The following TMPRSS7 variants were observed in gnomAD, a reference collection of about 807,000 sequenced individuals.
The protein encoded by TMPRSS7 is transmembrane serine protease 7.
In TMPRSS7, 81 loss-of-function variants were observed where a neutral mutation model predicts 95.6. The ratio of observed to expected loss-of-function variants is 0.85; its 90% CI spans 0.71 to 1.02. The LOEUF (loss-of-function observed/expected upper bound fraction) is 1.02, where lower values mean the gene tolerates loss of function less well. Ranked by LOEUF, TMPRSS7 falls within the 50% of genes least tolerant of loss-of-function variation. The probability of loss-of-function intolerance (pLI) is 0.00; values close to 1 mark genes in which losing one functional copy is unlikely to be tolerated. For synonymous variants in TMPRSS7, 364 were observed against 337.8 expected (o/e 1.08, Z -0.85); for missense variants, 945 against 955.2 (o/e 0.99, Z 0.14).
chr3:112,080,711 C>T (rs950734114), intron 17 of TMPRSS7, among the ~76,000 whole-genome samples: 1 of 152,138 alleles, frequency 6.6e-6, no homozygotes, highest in African/African-American at 2.4e-5. Context: ...CTAATGAATG[C>T]AGCTGTTTGA....
rs551359368 is a variant in TMPRSS7, at chr3:112,037,817, G to A, written c.49-255G>A. On this transcript the variant is annotated intron_variant, in intron 1 of 17. Transcript: ENST00000452346. ...AAAGAACCTACATTGAAATATCGGG[G>A]GCTGGTTCCCCCAATAGAAACCATT... Among the ~76,000 whole-genome samples the A allele has an allele frequency of 1.3e-4, 20 of 152,138 alleles. 1 individual carries two copies. In the South Asian group the frequency reaches 4.2e-3, roughly 32 times the overall value.
chr3:112,041,589 G>A (rs992371460), intron 2 of TMPRSS7, among the ~76,000 whole-genome samples: 3 of 152,070 alleles, frequency 2.0e-5, no homozygotes, highest in African/African-American at 7.2e-5. Context: ...TTCCTTCAGA[G>A]AGCCCATAAA....
At chr3:112,059,001 C>T (rs1324285765) in intron 10 of TMPRSS7, among the ~76,000 whole-genome samples, 2 of 152,176 alleles carry the variant, frequency 1.3e-5, no homozygotes, top group African/African-American at 4.8e-5. Context: ...TAACTAGACA[C>T]CTTGCTGAGC....
At chr3:112,071,671 C>A (rs924496520) in intron 13 of TMPRSS7, among the ~76,000 whole-genome samples, 3 of 152,118 alleles carry the variant, frequency 2.0e-5, no homozygotes, top group Non-Finnish European at 4.4e-5. Context: ...CTCTAAACTT[C>A]TTTTCTCACT....
At chr3:112,070,083 T>A (rs559047192) in intron 13 of TMPRSS7, among the ~76,000 whole-genome samples, 1 of 152,236 alleles carries the variant, frequency 6.6e-6, no homozygotes, top group Non-Finnish European at 1.5e-5. Context: ...ATTTCGTTAT[T>A]TACCCACTAG....
chr3:112,077,327 T>A (rs1325909988), intron 16 of TMPRSS7, among the ~76,000 whole-genome samples, 183 bp downstream of exon 16: 2 of 152,148 alleles, frequency 1.3e-5, no homozygotes, highest in Non-Finnish European at 2.9e-5. Flanking sequence ...ATCCACCTGC[T>A]TTAAAAGAAG....
chr3:112,048,871 A>G (rs573327959), intron 7 of TMPRSS7, among the ~76,000 whole-genome samples: 1 of 152,186 alleles, frequency 6.6e-6, no homozygotes, highest in African/African-American at 2.4e-5. Context: ...GCATACTATT[A>G]TTATTACTAC....
At chr3:112,053,172 C>T (rs2073383836) in intron 9 of TMPRSS7, among the ~76,000 whole-genome samples, 1 of 59,796 alleles carries the variant, frequency 1.7e-5, no homozygotes, top group African/African-American at 5.8e-5. Context: ...TGTAAAATAG[C>T]TTTGAATTTA....
chr3:112,070,933 T>C (rs1246106073), intron 13 of TMPRSS7, among the ~76,000 whole-genome samples: 2 of 152,274 alleles, frequency 1.3e-5, no homozygotes, highest in Non-Finnish European at 2.9e-5. Flanking sequence ...CTGGGGCATT[T>C]AGCCCATTTA....
intron 3 of TMPRSS7, among the ~76,000 whole-genome samples, chr3:112,042,539 C>T (rs987936749): frequency 1.3e-5 from 2 of 152,044 alleles, no homozygotes; most frequent in African/African-American, 2.4e-5. Flanking sequence ...ATGTCATCAC[C>T]GGAGACAAAG....
At chr3:112,062,364 A>G (rs1476335910) in intron 11 of TMPRSS7, among the ~76,000 whole-genome samples, 1 of 152,184 alleles carries the variant, frequency 6.6e-6, no homozygotes, top group Non-Finnish European at 1.5e-5. Flanking sequence ...GGGAGTTCAA[A>G]TATCAGCCCT....
chr3:112,046,841 G>A, intron 5 of TMPRSS7, 133 bp from the exon 6 acceptor site: 1 of 640,248 alleles, frequency 1.6e-6, no homozygotes, highest in East Asian at 2.7e-5. Flanking sequence ...ATCCTCACTG[G>A]ATTATTTTAA....
chr3:112,045,855 G>A (rs1394561150), exon 5 of TMPRSS7: 12 of 1,551,750 alleles, frequency 7.7e-6, no homozygotes, highest in African/African-American at 5.5e-5. Flanking sequence ...CCATCTTGAA[G>A]GACTCCATCC....
intron 2 of TMPRSS7, among the ~76,000 whole-genome samples, chr3:112,040,420 A>G (rs554586425): frequency 1.3e-5 from 2 of 152,352 alleles, no homozygotes; most frequent in South Asian, 4.1e-4. Context: ...AGAAGGGTTC[A>G]TGAACTGGTT....
At chr3:112,061,466 C>T (rs548762378) in intron 10 of TMPRSS7, among the ~76,000 whole-genome samples, 29 of 152,286 alleles carry the variant, frequency 1.9e-4, no homozygotes, top group African/African-American at 7.0e-4. Context: ...GCAATTCTTA[C>T]ATTACACAGG....
chr3:112,046,195 A>G (rs995579395), intron 5 of TMPRSS7, among the ~76,000 whole-genome samples: 1 of 152,162 alleles, frequency 6.6e-6, no homozygotes, highest in African/African-American at 2.4e-5. Flanking sequence ...ACCTCTACCT[A>G]CCTTTATTCA....
At chr3:112,058,320 G>A (rs1215448732) in intron 10 of TMPRSS7, among the ~76,000 whole-genome samples, 2 of 152,192 alleles carry the variant, frequency 1.3e-5, no homozygotes, top group Non-Finnish European at 2.9e-5. Context: ...GTTTTGGGGA[G>A]TGTAATTGAA....
intron 8 of TMPRSS7, among the ~76,000 whole-genome samples, 175 bp downstream of exon 8, chr3:112,050,149 A>G (rs1238042816): frequency 6.6e-6 from 1 of 152,242 alleles, no homozygotes; most frequent in African/African-American, 2.4e-5. Context: ...TGAATTCTGT[A>G]AGAACTATTA....
chr3:112,063,920 C>T (rs758008195), intron 12 of TMPRSS7, among the ~76,000 whole-genome samples: 11 of 152,172 alleles, frequency 7.2e-5, no homozygotes, highest in Non-Finnish European at 1.6e-4. Flanking sequence ...CTTTTGATGG[C>T]TCTTTTCCTC....
Sources: allele counts gnomAD v4.1 joint callset (sites outside exome capture counted in the v4.1 genomes callset), GRCh38; gene constraint gnomAD v4.1.1; transcripts MANE v1.5; gene names NCBI Gene and HGNC (gene_info 2026-07-23, HGNC 2026-07-21).